Variants in SRSF7 observed in about 807,000 individuals in gnomAD.
SRSF7 encodes the protein serine and arginine rich splicing factor 7.
In SRSF7, 15 loss-of-function variants were observed where a neutral mutation model predicts 42.2. That is an observed-to-expected ratio of 0.36 (90% CI 0.24 to 0.55). The LOEUF (loss-of-function observed/expected upper bound fraction) is 0.55, where lower values mean the gene tolerates loss of function less well. Ranked by LOEUF, SRSF7 falls within the 20% of genes least tolerant of loss-of-function variation. The pLI, the probability that SRSF7 is intolerant of heterozygous loss-of-function variation, is 0.88. For missense variants in SRSF7, 181 were observed against 305.9 expected (o/e 0.59, Z 3.04); for synonymous variants, 138 against 107.9 (o/e 1.28, Z -1.73).
At chr2:38,751,146 T>G in intron 1 of SRSF7, 83 bp downstream of exon 1, 1 of 1,577,036 alleles carries the variant, frequency 6.3e-7, no homozygotes, top group South Asian at 1.1e-5. Context: ...AATAACCGTC[T>G]CCCAACCTCC....
chr2:38,747,810 C>A (rs1667696988), intron 5 of SRSF7, among the ~76,000 whole-genome samples: 1 of 152,192 alleles, frequency 6.6e-6, no homozygotes, highest in Non-Finnish European at 1.5e-5. Context: ...TTGAGTAGAA[C>A]TGTATTGCTT....
intron 1 of SRSF7, chr2:38,750,754 A>G (rs1243042942): frequency 1.2e-5 from 2 of 162,398 alleles, no homozygotes; most frequent in East Asian, 1.8e-4. Flanking sequence ...AATTTAACCG[A>G]TTGTTTGACG....
In SRSF7 at chr2:38,748,168, G is replaced by C. The variant is rs147806516; in HGVS notation, c.462-11C>G. Reference sequence around the variant, plus strand: ...GATGCTGACCTTGACCTAAAATAAAGAACTTTAAGTCCATCTCCACAGTTT... The same window carrying C: ...GATGCTGACCTTGACCTAAAATAAACAACTTTAAGTCCATCTCCACAGTTT... On this transcript the variant is annotated splice_polypyrimidine_tract_variant and intron_variant, in intron 4 of 7. Coordinates refer to ENST00000313117, the MANE Select transcript of SRSF7 (RefSeq NM_001031684.3). 40 of 1,565,554 alleles carry C rather than the reference G, an allele frequency of 2.6e-5. No individual in the cohort carries two copies. The African/African-American group carries it at 4.0e-4, about 15-fold the overall frequency.
intron 6 of SRSF7, 21 bp downstream of exon 6, chr2:38,746,673 A>G: frequency 6.2e-7 from 1 of 1,612,904 alleles, no homozygotes; most frequent in Non-Finnish European, 8.5e-7. Flanking sequence ...CTAGAAAAGC[A>G]TAATCAAATT....
chr2:38,745,037 G>T lies in SRSF7; in HGVS notation c.*96C>A. 1.6e-6 allele frequency: 2 copies of T among 1,240,126 alleles called. No homozygotes were observed. The highest frequency in any genetic ancestry group is 1.5e-5 in the African/African-American group (1 of 66,072). The allele number at this position is 1,240,126 out of a possible 1,614,324, so 76.8% of individuals were successfully genotyped here. Reference sequence around the variant, plus strand: ...CCAGATCCATTTTGATTAGATGGTTGAATTATCTTTCCTAGGTTACACTTT... The same window carrying T: ...CCAGATCCATTTTGATTAGATGGTTTAATTATCTTTCCTAGGTTACACTTT... On this transcript the variant is annotated 3_prime_UTR_variant, in exon 8 of 8. Coordinates refer to ENST00000313117, the MANE Select transcript of SRSF7 (RefSeq NM_001031684.3).
At chr2:38,748,877 T>C in intron 3 of SRSF7, 2 of 1,382,914 alleles carry the variant, frequency 1.4e-6, no homozygotes, top group Non-Finnish European at 1.9e-6. Flanking sequence ...TAAAACACTG[T>C]AATGTGTATT....
intron 4 of SRSF7, 69 bp from the exon 5 acceptor site, chr2:38,748,226 G>A: frequency 1.6e-6 from 2 of 1,217,808 alleles, no homozygotes; most frequent in Admixed American, 2.0e-5. Flanking sequence ...ACTTCAACTG[G>A]GGAACGGTGC....
At chr2:38,748,214 AG>A in intron 4 of SRSF7, 57 bp from the exon 5 acceptor site, 1 of 1,345,766 alleles carries the variant, frequency 7.4e-7, no homozygotes, top group Non-Finnish European at 1.1e-6. Flanking sequence ...TGGCCTGTTA[AG>A]ACTTCAACTG....
chr2:38,748,363 G>A (rs1369043417), intron 4 of SRSF7, among the ~76,000 whole-genome samples: 1 of 152,044 alleles, frequency 6.6e-6, no homozygotes, highest in Non-Finnish European at 1.5e-5. Flanking sequence ...TGGTGGCAGT[G>A]CCTACAGTCC....
chr2:38,748,306 G>C lies in SRSF7; in HGVS notation c.462-149C>G, dbSNP rs952212802. On this transcript the variant is annotated intron_variant, in intron 4 of 7. Transcript: ENST00000313117. ...AGCCCAGGAGCTTGAGACCAGCCTG[G>C]GAAACAGTGCAAGACCATTTCTACA... 4 of 684,292 alleles carry C rather than the reference G, an allele frequency of 5.8e-6. No homozygotes were observed. The African/African-American group carries it at 7.3e-5, about 12-fold the overall frequency. 42.4% of individuals were successfully genotyped at this position (684,292 alleles called of 1,614,324 possible). A position where few individuals can be genotyped will look rare whatever the true frequency, so the allele number is the denominator to read the frequency against.
intron 4 of SRSF7, 33 bp from the exon 5 acceptor site, chr2:38,748,190 G>GTTTTT: frequency 2.3e-6 from 3 of 1,299,056 alleles, no homozygotes; most frequent in Non-Finnish European, 3.2e-6. Flanking sequence ...CATCTCCACA[G>GTTTTT]TTTTTTTTTT....
At chr2:38,747,157 C>T in intron 5 of SRSF7, 1 of 465,778 alleles carries the variant, frequency 2.1e-6, no homozygotes. Context: ...ATAACCAGAC[C>T]CCTGAACTGA....
chr2:38,749,226 C>G, intron 3 of SRSF7: 1 of 1,364,384 alleles, frequency 7.3e-7, no homozygotes, highest in Non-Finnish European at 9.7e-7. Flanking sequence ...GATCTGGCCT[C>G]TTATGCTGAT....
At position 38,743,648 on chromosome 2, in the gene SRSF7, A is replaced by G; in HGVS notation, c.*1485T>C. On this transcript the variant is annotated 3_prime_UTR_variant, in exon 8 of 8. Coordinates refer to ENST00000313117, the MANE Select transcript of SRSF7 (RefSeq NM_001031684.3). ...TATTGTTGAGTAAACTTATCTTTAA[A>G]TAATACAGAACAATTAAAGCTAACC... 1 of 152,670 alleles carries G rather than the reference A, an allele frequency of 6.6e-6. No homozygotes were observed. The highest frequency in any genetic ancestry group is 1.5e-5 in the Non-Finnish European group (1 of 68,052). The allele number at this position is 152,670 out of a possible 1,614,324, so 9.5% of individuals were successfully genotyped here.
chr2:38,745,474 T>C (rs1324747424), intron 7 of SRSF7, among the ~76,000 whole-genome samples: 2 of 151,998 alleles, frequency 1.3e-5, no homozygotes, highest in Non-Finnish European at 2.9e-5. Flanking sequence ...GCCAACATGG[T>C]GAAACTCCGT....
intron 4 of SRSF7, 28 bp from the exon 5 acceptor site, chr2:38,748,185 CCA>C (rs779653468): frequency 8.9e-5 from 139 of 1,556,350 alleles, no homozygotes; most frequent in East Asian, 8.1e-4. Context: ...AAGTCCATCT[CCA>C]CAGTTTTTTT....
intron 6 of SRSF7, 103 bp downstream of exon 6, chr2:38,746,591 A>C: frequency 1.3e-6 from 2 of 1,533,728 alleles, no homozygotes; most frequent in Non-Finnish European, 1.8e-6. Context: ...CTAAAACCTA[A>C]GTTTAGAGTT....
At chr2:38,747,007 A>G (rs1667524754) in intron 5 of SRSF7, 3 of 639,760 alleles carry the variant, frequency 4.7e-6, no homozygotes, top group Admixed American at 4.3e-5. Flanking sequence ...GTAATATCCA[A>G]GGGAAATACA....
chr2:38,748,619 T>G lies in SRSF7; in HGVS notation c.421A>C (p.Arg141=). ...RSRSHSRSRG[R]RYSRSRSRSR... The stretch of plus-strand genomic sequence containing the variant: ...CTGCTGCGTGAGCGAGAGTATCGCC[T>G]TCCTCTGGATCGAGAATGTGATCTA... The change falls in exon 4 of 8, where the codon AGG becomes CGG. Residue 141 remains arginine, a synonymous_variant. Transcript: ENST00000313117. The G allele has an allele frequency of 5.0e-6, 8 of 1,614,124 alleles. No homozygotes were observed. The African/African-American group carries it at 1.1e-4, about 22-fold the overall frequency.
Sources: allele counts gnomAD v4.1 joint callset (sites outside exome capture counted in the v4.1 genomes callset), GRCh38; gene constraint gnomAD v4.1.1; transcripts MANE v1.5; gene names NCBI Gene and HGNC (gene_info 2026-07-23, HGNC 2026-07-21).